The following GRIK1 variants were observed in gnomAD, a reference collection of about 807,000 sequenced individuals.
GRIK1 encodes the protein glutamate receptor ionotropic, kainate 1.
In GRIK1, 69 loss-of-function variants were observed where a neutral mutation model predicts 105.7. That is an observed-to-expected ratio of 0.65 (90% CI 0.54 to 0.80). The LOEUF is 0.80. Among genes scored for constraint, GRIK1 ranks in the 30% least tolerant of loss-of-function variants. The pLI is 0.00. For synonymous variants in GRIK1, 438 were observed against 431.3 expected (o/e 1.02, Z -0.19); for missense variants, 1,109 against 1,167.3 (o/e 0.95, Z 0.73).
chr21:29,911,215 G>T (rs1186131945), intron 1 of GRIK1, among the ~76,000 whole-genome samples: 1 of 152,042 alleles, frequency 6.6e-6, no homozygotes, highest in Non-Finnish European at 1.5e-5. Context: ...TTCAAAAAGA[G>T]AGAAAGTGGC....
At chr21:29,723,387 G>A (rs1174108575) in intron 1 of GRIK1, among the ~76,000 whole-genome samples, 3 of 152,110 alleles carry the variant, frequency 2.0e-5, no homozygotes, top group African/African-American at 7.2e-5. Context: ...TATCATTCAA[G>A]CTTTCATCAT....
chr21:29,730,304 C>T (rs1277715508), intron 1 of GRIK1, among the ~76,000 whole-genome samples: 21 of 151,992 alleles, frequency 1.4e-4, no homozygotes, highest in Admixed American at 1.4e-3. Context: ...GTTGAATTCC[C>T]TTCTGAGAGG....
intron 1 of GRIK1, among the ~76,000 whole-genome samples, chr21:29,742,651 A>G: frequency 6.6e-6 from 1 of 152,168 alleles, no homozygotes; most frequent in East Asian, 1.9e-4. Context: ...GTATACAGTC[A>G]AATTTATCAG....
intron 1 of GRIK1, among the ~76,000 whole-genome samples, chr21:29,785,759 G>A (rs891021920): frequency 1.1e-4 from 16 of 152,088 alleles, no homozygotes; most frequent in African/African-American, 3.4e-4. Flanking sequence ...TAACAGAAAC[G>A]TATTCTCTCA....
At chr21:29,836,000 C>G (rs2067792798) in intron 1 of GRIK1, among the ~76,000 whole-genome samples, 1 of 129,434 alleles carries the variant, frequency 7.7e-6, no homozygotes, top group African/African-American at 2.4e-5. Flanking sequence ...TGAAAGAAAG[C>G]TGTGGGAGAA....
chr21:29,879,851 T>C (rs2069335210), intron 1 of GRIK1, among the ~76,000 whole-genome samples: 1 of 131,040 alleles, frequency 7.6e-6, no homozygotes, highest in Non-Finnish European at 1.5e-5. Flanking sequence ...GCCCCAGTTC[T>C]TTGATTTTTT....
At chr21:29,788,477 G>T (rs1242148749) in intron 1 of GRIK1, among the ~76,000 whole-genome samples, 2 of 152,156 alleles carry the variant, frequency 1.3e-5, no homozygotes, top group Non-Finnish European at 2.9e-5. Context: ...GTGGGTGGAA[G>T]TCAGATCACA....
chr21:29,827,073 A>T (rs2067481226), intron 1 of GRIK1, among the ~76,000 whole-genome samples: 1 of 152,110 alleles, frequency 6.6e-6, no homozygotes, highest in African/African-American at 2.4e-5. Context: ...ACCCATTTTG[A>T]TAAACTTTTC....
chr21:29,907,368 A>G (rs573029000), intron 1 of GRIK1, among the ~76,000 whole-genome samples: 11 of 152,272 alleles, frequency 7.2e-5, no homozygotes, highest in African/African-American at 2.6e-4. Flanking sequence ...AAAATAATCA[A>G]TGTTCTAGAT....
At position 29,786,147 on chromosome 21, in the gene GRIK1, C is replaced by T. The variant is rs1023858100; in HGVS notation, c.119-92084G>A. Among the ~76,000 whole-genome samples, 10 of 152,152 alleles carry T rather than the reference C, an allele frequency of 6.6e-5. 1 individual carries two copies. Among genetic ancestry groups the T allele is most frequent in the Admixed American group, 2.6e-4 (4 of 15,278 alleles). On this transcript the variant is annotated intron_variant, in intron 1 of 17. Transcript: ENST00000327783. ...GGGATTACAGGCACACACCACCATG[C>T]CCAGCTACTTTTTGTATTTTTAGTA...
intron 1 of GRIK1, among the ~76,000 whole-genome samples, chr21:29,852,358 C>G (rs553003030): frequency 1.2e-3 from 183 of 152,144 alleles, no homozygotes; most frequent in Non-Finnish European, 2.2e-3. Flanking sequence ...GTTCCTCCTA[C>G]CAAGAAGGCC....
At chr21:29,834,815 A>C (rs186167718) in intron 1 of GRIK1, among the ~76,000 whole-genome samples, 3,207 of 148,140 alleles carry the variant, frequency 0.022, 60 homozygotes, top group South Asian at 0.061. Context: ...TTCAATATTA[A>C]TATTGAATAT....
At position 29,939,727 on chromosome 21, in the gene GRIK1, GCTC is replaced by G; in HGVS notation, c.-230_-228del. The G allele has an allele frequency of 1.5e-4, 63 of 413,134 alleles. No individual in the cohort carries two copies. The highest frequency in any genetic ancestry group is 6.2e-4 in the Middle Eastern group (1 of 1,610). The allele number at this position is 413,134 out of a possible 1,614,324, so 25.6% of individuals were successfully genotyped here. On this transcript the variant is annotated 5_prime_UTR_variant, in exon 1 of 18. Coordinates refer to ENST00000327783, the MANE Select transcript of GRIK1 (RefSeq NM_001330994.2). ...TCAGTGCTGTCGCTAGCCCATCACG[GCTC>G]CTCCTCCTCCTCTTCCATGGGCCGC...
intron 1 of GRIK1, among the ~76,000 whole-genome samples, chr21:29,790,502 C>T (rs2066384813): frequency 6.6e-6 from 1 of 151,392 alleles, no homozygotes. Context: ...GTCACCCAGT[C>T]TGAAATGCAG....
At chr21:29,667,125 A>G (rs975841888) in intron 4 of GRIK1, among the ~76,000 whole-genome samples, 1 of 152,218 alleles carries the variant, frequency 6.6e-6, no homozygotes, top group Admixed American at 6.5e-5. Context: ...ATTGACTTAT[A>G]GATCTGACTT....
intron 1 of GRIK1, among the ~76,000 whole-genome samples, chr21:29,797,168 G>A (rs186000363): frequency 2.6e-5 from 4 of 152,242 alleles, no homozygotes; most frequent in Admixed American, 1.3e-4. Context: ...GAGATACACT[G>A]ACCTTTTGTA....
At chr21:29,615,948 T>C (rs2061840535) in intron 7 of GRIK1, among the ~76,000 whole-genome samples, 1 of 152,176 alleles carries the variant, frequency 6.6e-6, no homozygotes, top group African/African-American at 2.4e-5. Flanking sequence ...AACCTAAAGA[T>C]TTTGAGCAAA....
chr21:29,558,349 T>C (rs1413796180), intron 15 of GRIK1, among the ~76,000 whole-genome samples: 1 of 128,982 alleles, frequency 7.8e-6, no homozygotes, highest in African/African-American at 3.0e-5. Flanking sequence ...ACTTGAAATA[T>C]ATATATATAT....
chr21:29,893,725 C>G (rs1011180848), intron 1 of GRIK1, among the ~76,000 whole-genome samples: 1 of 152,124 alleles, frequency 6.6e-6, no homozygotes, highest in East Asian at 1.9e-4. Flanking sequence ...ACAGCTCCTT[C>G]CCTCAAGAAT....
Sources: gnomAD v4.1 joint callset for allele counts (sites outside exome capture counted in the v4.1 genomes callset) on GRCh38, gnomAD v4.1.1 for gene constraint, MANE v1.5 for transcripts, NCBI Gene and HGNC (gene_info 2026-07-23, HGNC 2026-07-21) for gene names.